The following ASB15 variants were observed in gnomAD, a reference collection of about 807,000 sequenced individuals.
ASB15 encodes ankyrin repeat and SOCS box containing 15, also known as ankyrin repeat and SOCS box protein 15.
A neutral mutation model predicts 58.0 loss-of-function variants in ASB15; 54 were observed. The ratio of observed to expected loss-of-function variants is 0.93; its 90% CI spans 0.75 to 1.17. The LOEUF (loss-of-function observed/expected upper bound fraction) is 1.17, where lower values mean the gene tolerates loss of function less well. Ranked by LOEUF, ASB15 falls within the 50% of genes most tolerant of loss-of-function variation. The pLI, the probability that ASB15 is intolerant of heterozygous loss-of-function variation, is 0.00. For missense variants in ASB15, 680 were observed against 707.4 expected (o/e 0.96, Z 0.44); for synonymous variants, 249 against 262.4 (o/e 0.95, Z 0.50).
chr7:123,631,328 A>G (rs1802104717), intron 11 of ASB15, among the ~76,000 whole-genome samples: 1 of 152,200 alleles, frequency 6.6e-6, no homozygotes, highest in African/African-American at 2.4e-5. Context: ...TACTTAAATT[A>G]CTTAATAAAT....
chr7:123,619,748 C>T (rs1266338089), intron 7 of ASB15, among the ~76,000 whole-genome samples: 2 of 152,158 alleles, frequency 1.3e-5, no homozygotes, highest in African/African-American at 4.8e-5. Context: ...TGGTCTCGAT[C>T]TCCTGACCTC....
At chr7:123,621,904 C>T (rs1453916910) in intron 7 of ASB15, among the ~76,000 whole-genome samples, 1 of 152,214 alleles carries the variant, frequency 6.6e-6, no homozygotes, top group African/African-American at 2.4e-5. Flanking sequence ...CAGTGGAGCC[C>T]AGAGTAAGGA....
chr7:123,607,839 A>T (rs1800225129), intron 2 of ASB15, among the ~76,000 whole-genome samples: 1 of 152,186 alleles, frequency 6.6e-6, no homozygotes, highest in Non-Finnish European at 1.5e-5. Context: ...AAAAATCATT[A>T]TATCACATTA....
At chr7:123,623,271 C>T (rs1022047982) in intron 7 of ASB15, 1 of 152,066 alleles carries the variant, frequency 6.6e-6, no homozygotes, top group African/African-American at 2.4e-5. Flanking sequence ...TGTACATCTC[C>T]ATTTGTAGGG....
At chr7:123,620,748 G>C (rs1180787958) in intron 7 of ASB15, among the ~76,000 whole-genome samples, 2 of 149,628 alleles carry the variant, frequency 1.3e-5, no homozygotes, top group Non-Finnish European at 3.0e-5. Context: ...ATTTTTATTA[G>C]AGACAGGGTT....
intron 6 of ASB15, among the ~76,000 whole-genome samples, chr7:123,616,702 C>T (rs980970742): frequency 6.6e-6 from 1 of 152,012 alleles, no homozygotes; most frequent in Non-Finnish European, 1.5e-5. Flanking sequence ...CTTTTGCATC[C>T]TTTTACCTAT....
intron 7 of ASB15, among the ~76,000 whole-genome samples, chr7:123,619,335 T>C (rs559150045): frequency 1.3e-5 from 2 of 152,186 alleles, no homozygotes; most frequent in East Asian, 3.9e-4. Context: ...ATAAGTGCTA[T>C]AATAAAGTAT....
intron 7 of ASB15, 76 bp from the exon 8 acceptor site, chr7:123,624,493 T>C (rs887309184): frequency 1.5e-6 from 2 of 1,370,388 alleles, no homozygotes; most frequent in African/African-American, 1.5e-5. Flanking sequence ...CAATATTAAA[T>C]TTAGTAATTA....
At chr7:123,623,931 AAAAGAAAGAAAG>A (rs201240574) in intron 7 of ASB15, among the ~76,000 whole-genome samples, 17,694 of 102,788 alleles carry the variant, frequency 0.17, 1,646 homozygotes, top group South Asian at 0.21. Flanking sequence ...AGAAAGAAAG[AAAAGAAAGAAAG>A]AAAGAAAGAA....
intron 2 of ASB15, among the ~76,000 whole-genome samples, chr7:123,606,883 G>A (rs1160544145): frequency 6.6e-6 from 1 of 151,904 alleles, no homozygotes; most frequent in Admixed American, 6.6e-5. Context: ...CTATATCTTG[G>A]CTGCCGTAAA....
intron 1 of ASB15, among the ~76,000 whole-genome samples, chr7:123,567,608 C>T (rs1798797613): frequency 6.6e-6 from 1 of 152,130 alleles, no homozygotes; most frequent in Non-Finnish European, 1.5e-5. Context: ...CTGGAGCGCT[C>T]CTCCACAGCC....
At chr7:123,605,334 C>A (rs1584760654) in intron 2 of ASB15, among the ~76,000 whole-genome samples, 1 of 152,128 alleles carries the variant, frequency 6.6e-6, no homozygotes, top group Non-Finnish European at 1.5e-5. Context: ...ACTAAAAAGT[C>A]AAAAAATAAC....
intron 11 of ASB15, among the ~76,000 whole-genome samples, chr7:123,634,107 T>C (rs1227962586): frequency 6.6e-6 from 1 of 152,134 alleles, no homozygotes. Flanking sequence ...CAGGTAAACA[T>C]TTATCATGGT....
Position 123,617,949 on chromosome 7 carries a change from T to C in ASB15, c.451+212T>C, listed in dbSNP as rs374275126. ...GATGGCTACATCCTTCAGTATCCAGTTGTAGAGACTGCAACTAACCAGGAG... is the reference window on the plus strand; with the variant it reads ...GATGGCTACATCCTTCAGTATCCAGCTGTAGAGACTGCAACTAACCAGGAG... On this transcript the variant is annotated intron_variant, in intron 7 of 11. Transcript: ENST00000451215. 1.3e-4 allele frequency among the ~76,000 whole-genome samples: 20 copies of C among 152,342 alleles called. No homozygotes were observed. In the East Asian group the frequency reaches 2.1e-3, roughly 16 times the overall value.
intron 3 of ASB15, among the ~76,000 whole-genome samples, chr7:123,610,619 G>A (rs1157642092): frequency 6.6e-6 from 1 of 152,178 alleles, no homozygotes; most frequent in East Asian, 1.9e-4. Context: ...AAAATCGCAT[G>A]CAAAATTTTG....
Position 123,614,496 on chromosome 7 carries a change from T to C in ASB15, c.-2-5T>C. 6.5e-7 allele frequency: 1 copy of C among 1,544,632 alleles called. No homozygotes were observed. The highest frequency in any genetic ancestry group is 1.1e-5 in the South Asian group (1 of 88,774). ...AGAACTTGTCTCGTTCAAAATTATA[T>C]GCAGGAATGGATACTAATGATGACC... On this transcript the variant is annotated splice_polypyrimidine_tract_variant and splice_region_variant and intron_variant, in intron 3 of 11. Coordinates refer to ENST00000451215, the MANE Select transcript of ASB15 (RefSeq NM_001290258.2).
At chr7:123,613,017 A>G (rs1800559395) in intron 3 of ASB15, among the ~76,000 whole-genome samples, 1 of 151,996 alleles carries the variant, frequency 6.6e-6, no homozygotes, top group South Asian at 2.1e-4. Context: ...GTGTCAGGGA[A>G]CATGCTTGGT....
intron 6 of ASB15, 146 bp from the exon 7 acceptor site, chr7:123,617,433 A>T (rs941582887): frequency 1.4e-6 from 1 of 734,208 alleles, no homozygotes; most frequent in African/African-American, 1.8e-5. Context: ...CCTCACCGTC[A>T]TTTGGTAAAC....
At chr7:123,580,866 A>C (rs1799213114) in intron 1 of ASB15, among the ~76,000 whole-genome samples, 1 of 152,070 alleles carries the variant, frequency 6.6e-6, no homozygotes, top group African/African-American at 2.4e-5. Flanking sequence ...CACTAAAAAA[A>C]CGCAGTGTTG....
Sources: gnomAD v4.1 joint callset for allele counts (sites outside exome capture counted in the v4.1 genomes callset) on GRCh38, gnomAD v4.1.1 for gene constraint, MANE v1.5 for transcripts, NCBI Gene and HGNC (gene_info 2026-07-23, HGNC 2026-07-21) for gene names.